The following ANKRD46 variants were observed in gnomAD, a reference collection of about 807,000 sequenced individuals.
ANKRD46 encodes the protein ankyrin repeat domain-containing protein 46.
Under a neutral mutation model 19.8 loss-of-function variants are expected in ANKRD46, and 13 were observed. That is an observed-to-expected ratio of 0.66 (90% CI 0.43 to 1.04). ANKRD46 has a LOEUF of 1.04. Ranked by LOEUF, ANKRD46 falls within the 50% of genes least tolerant of loss-of-function variation. The pLI is 0.00. For synonymous variants in ANKRD46, 91 were observed against 106.9 expected, an observed-to-expected ratio of 0.85 and a Z score of 0.92; for missense variants, 185 against 274.8, an observed-to-expected ratio of 0.67 and a Z score of 2.31.
intron 1 of ANKRD46, among the ~76,000 whole-genome samples, chr8:100,541,932 A>G (rs1000280380): frequency 6.6e-6 from 1 of 152,194 alleles, no homozygotes; most frequent in African/African-American, 2.4e-5. Context: ...GCCTAGGAAC[A>G]ACAGGCCATA....
downstream of ANKRD46, among the ~76,000 whole-genome samples, chr8:100,519,284 C>T (rs1176099410): frequency 3.9e-5 from 6 of 152,130 alleles, no homozygotes; most frequent in Admixed American, 3.3e-4. Context: ...AAGTTTCCTA[C>T]GAGGGAGTCA....
chr8:100,542,501 T>C (rs1229016397), intron 1 of ANKRD46, among the ~76,000 whole-genome samples: 1 of 152,092 alleles, frequency 6.6e-6, no homozygotes, highest in African/African-American at 2.4e-5. Context: ...GCTGAGACCC[T>C]TGGTAGAAAG....
rs1811719950 is a variant in ANKRD46 at position 100,521,342 on chromosome 8, C to T, written c.*1213G>A. The T allele has an allele frequency of 1.0e-6, 1 of 985,266 alleles. No homozygotes were observed. 61.0% of individuals were successfully genotyped at this position (985,266 alleles called of 1,614,324 possible). A position where few individuals can be genotyped will look rare whatever the true frequency, so the allele number is the denominator to read the frequency against. On this transcript the variant is annotated 3_prime_UTR_variant, in exon 5 of 5. Coordinates refer to ENST00000335659, the MANE Select transcript of ANKRD46 (RefSeq NM_001270377.2). The stretch of plus-strand genomic sequence containing the variant: ...CTTTCACTACAATTTCCTGACTTTA[C>T]CCAATAAATAATTATCAAGCCTTCA...
Position 100,511,258 on chromosome 8 carries a change from A to G in ANKRD46, c.637-619T>C, listed in dbSNP as rs1811544484. ...GGGAGCAGGGGTAGGTAACCTGCCCACTGACACTCCATCATAGTGTAGGCT... is the reference window on the plus strand; with the variant it reads ...GGGAGCAGGGGTAGGTAACCTGCCCGCTGACACTCCATCATAGTGTAGGCT... On this transcript the variant is annotated intron_variant, in intron 5 of 5. Coordinates refer to the ANKRD46 transcript ENST00000520552. The surrounding 1 kb of genome is among the most constrained non-coding windows in gnomAD (Gnocchi z 4.1). Among the ~76,000 whole-genome samples the G allele has an allele frequency of 6.6e-6, 1 of 152,224 alleles. No homozygotes were observed. The highest frequency in any genetic ancestry group is 1.5e-5 in the Non-Finnish European group (1 of 68,034).
downstream of ANKRD46, among the ~76,000 whole-genome samples, chr8:100,516,497 A>G (rs924930316): frequency 1.3e-5 from 2 of 152,246 alleles, no homozygotes; most frequent in Non-Finnish European, 2.9e-5. Context: ...CTATCTAACT[A>G]TCCACCCCCC....
intron 1 of ANKRD46, chr8:100,551,401 T>A: frequency 3.3e-6 from 2 of 613,166 alleles, no homozygotes; most frequent in South Asian, 2.9e-5. Flanking sequence ...CAGCCTTCTC[T>A]ATGGTCATGA....
rs1811988081 is a variant in ANKRD46 at position 100,532,602 on chromosome 8, A to G, written c.-28+607T>C. 1 of 152,212 alleles carries G rather than the reference A, an allele frequency of 6.6e-6. No homozygotes were observed. The highest frequency in any genetic ancestry group is 2.4e-5 in the African/African-American group (1 of 41,460). 9.4% of individuals were successfully genotyped at this position (152,212 alleles called of 1,614,324 possible). On this transcript the variant is annotated intron_variant, in intron 2 of 4. Coordinates refer to ENST00000335659, the MANE Select transcript of ANKRD46 (RefSeq NM_001270377.2). The surrounding 1 kb of genome is among the most constrained non-coding windows in gnomAD (Gnocchi z 4.7). Reference sequence around the variant, plus strand: ...ATTTTCCCTTACAGCAAGGGTGTCCAACATTTCGGCTTCCCTGGGTCACAA... The same window carrying G: ...ATTTTCCCTTACAGCAAGGGTGTCCGACATTTCGGCTTCCCTGGGTCACAA...
chr8:100,539,600 G>T (rs1812134643), intron 1 of ANKRD46, among the ~76,000 whole-genome samples: 2 of 152,044 alleles, frequency 1.3e-5, no homozygotes, highest in Non-Finnish European at 2.9e-5. Flanking sequence ...CACATTTTGT[G>T]GTATTTCCAA....
chr8:100,539,326 C>T (rs1420761453), intron 1 of ANKRD46, among the ~76,000 whole-genome samples: 1 of 152,072 alleles, frequency 6.6e-6, no homozygotes, highest in African/African-American at 2.4e-5. Flanking sequence ...TATTTGGATT[C>T]TTTAAAAAAG....
chr8:100,530,421 T>C (rs1171944223), intron 2 of ANKRD46, among the ~76,000 whole-genome samples: 2 of 151,864 alleles, frequency 1.3e-5, no homozygotes, highest in Non-Finnish European at 2.9e-5. Flanking sequence ...TCTCGCTCTA[T>C]TGCCCAGGCT....
rs1811724679 is a variant in ANKRD46 at position 100,521,592 on chromosome 8, T to C, written c.*963A>G. 2.0e-6 allele frequency: 2 copies of C among 985,338 alleles called. No individual in the cohort carries two copies. The highest frequency in any genetic ancestry group is 1.7e-5 in the African/African-American group (1 of 57,252). 61.0% of individuals were successfully genotyped at this position (985,338 alleles called of 1,614,324 possible). On this transcript the variant is annotated 3_prime_UTR_variant, in exon 5 of 5. Transcript: ENST00000335659. The stretch of plus-strand genomic sequence containing the variant: ...TCTTGCCATCAGAGAATTACAGATA[T>C]GGATGGGATTGTTAAAAGTCTAACA...
chr8:100,520,266 T>C (rs1811699032), downstream of ANKRD46, among the ~76,000 whole-genome samples: 3 of 152,146 alleles, frequency 2.0e-5, no homozygotes, highest in African/African-American at 7.2e-5. Flanking sequence ...GTGGAAAATT[T>C]AGTAATGTCC....
intron 1 of ANKRD46, among the ~76,000 whole-genome samples, chr8:100,547,273 C>T (rs1028147497): frequency 6.6e-6 from 1 of 152,098 alleles, no homozygotes; most frequent in Non-Finnish European, 1.5e-5. Flanking sequence ...TGGGAGGTGA[C>T]TGGATCATGG....
In ANKRD46 at chr8:100,524,080, C is replaced by A. The variant is rs1811787361; in HGVS notation, c.471-1309G>T. 6.6e-6 allele frequency among the ~76,000 whole-genome samples: 1 copy of A among 152,180 alleles called. No homozygotes were observed. The highest frequency in any genetic ancestry group is 2.4e-5 in the African/African-American group (1 of 41,454). ...TAAGGTAGTGCAAATACCATAAAAACACTGATTCTGGTTTTCAGAACTTTA... is the reference window on the plus strand; with the variant it reads ...TAAGGTAGTGCAAATACCATAAAAAAACTGATTCTGGTTTTCAGAACTTTA... On this transcript the variant is annotated intron_variant, in intron 4 of 4. Coordinates refer to ENST00000335659, the MANE Select transcript of ANKRD46 (RefSeq NM_001270377.2). This position sits in a 1 kb window ranked among gnomAD's most constrained non-coding sequence, Gnocchi z 4.3.
chr8:100,537,682 T>C lies in ANKRD46; in HGVS notation c.-130-4371A>G, dbSNP rs1812091674. Among the ~76,000 whole-genome samples, 1 of 152,160 alleles carries C rather than the reference T, an allele frequency of 6.6e-6. No individual in the cohort carries two copies. The highest frequency in any genetic ancestry group is 2.1e-4 in the South Asian group (1 of 4,834). ...TCCAAAGATACTGGGCAAGGAAAAATGCCATGTTGAAAAGAAATTTAGCTG... is the reference window on the plus strand; with the variant it reads ...TCCAAAGATACTGGGCAAGGAAAAACGCCATGTTGAAAAGAAATTTAGCTG... On this transcript the variant is annotated intron_variant, in intron 1 of 4. Transcript: ENST00000335659. This position sits in a 1 kb window ranked among gnomAD's most constrained non-coding sequence, Gnocchi z 4.2.
In ANKRD46 at chr8:100,529,450, C is replaced by T. The variant is rs561606835; in HGVS notation, c.311+73G>A. 14 of 1,444,972 alleles carry T rather than the reference C, an allele frequency of 9.7e-6. No individual in the cohort carries two copies. The African/African-American group carries it at 1.7e-4, about 18-fold the overall frequency. 89.5% of individuals were successfully genotyped at this position (1,444,972 alleles called of 1,614,324 possible). A position where few individuals can be genotyped will look rare whatever the true frequency, so the allele number is the denominator to read the frequency against. ...TTAATGAGGAAACAAAACCAACAGA[C>T]CCAAGATAAGATTATCAGTTGAGAG... is the stretch of plus-strand genomic sequence containing the variant. On this transcript the variant is annotated intron_variant, in intron 3 of 4. Coordinates refer to ENST00000335659, the MANE Select transcript of ANKRD46 (RefSeq NM_001270377.2). This position sits in a 1 kb window ranked among gnomAD's most constrained non-coding sequence, Gnocchi z 5.8.
rs982258081 is a variant in ANKRD46, at chr8:100,557,708, C to A, written c.-131+2003G>T. ...TGGCCTCCTTGCTGTTCCTCTCTTGCTGTCCCTCTAACAAGACTGAAGGGT... is the reference window on the plus strand; with the variant it reads ...TGGCCTCCTTGCTGTTCCTCTCTTGATGTCCCTCTAACAAGACTGAAGGGT... On this transcript the variant is annotated intron_variant, in intron 1 of 4. Transcript: ENST00000335659. The surrounding 1 kb of genome is among the most constrained non-coding windows in gnomAD (Gnocchi z 5.9). Among the ~76,000 whole-genome samples, 2 of 152,224 alleles carry A rather than the reference C, an allele frequency of 1.3e-5. No individual in the cohort carries two copies. Among genetic ancestry groups the A allele is most frequent in the African/African-American group, 4.8e-5 (2 of 41,460 alleles).
At chr8:100,515,484 T>C (rs1399433199) in intron 5 of ANKRD46, among the ~76,000 whole-genome samples, 4 of 152,118 alleles carry the variant, frequency 2.6e-5, no homozygotes, top group Non-Finnish European at 4.4e-5. Context: ...AAATAGAAAC[T>C]AGGTTACAGA....
chr8:100,516,864 T>C (rs1236136210), downstream of ANKRD46, among the ~76,000 whole-genome samples: 3 of 152,196 alleles, frequency 2.0e-5, no homozygotes, highest in Non-Finnish European at 4.4e-5. Flanking sequence ...ATAGATCCAA[T>C]GGTTAAATCC....
Sources: gnomAD v4.1 joint callset for allele counts (sites outside exome capture counted in the v4.1 genomes callset) on GRCh38, gnomAD v4.1.1 for gene constraint, Gnocchi (gnomAD v3.1) non-coding constraint, MANE v1.5 for transcripts, NCBI Gene and HGNC (gene_info 2026-07-23, HGNC 2026-07-21) for gene names.